The following SOCS4 variants were observed in gnomAD, a reference collection of about 807,000 sequenced individuals.
SOCS4 encodes the protein suppressor of cytokine signaling 4, also known as SH2 domain containing SOCS box protein.
SOCS4 carries 20 observed loss-of-function variants against 34.1 expected under a neutral mutation model. The ratio of observed to expected loss-of-function variants is 0.59; its 90% confidence interval spans 0.41 to 0.85. The LOEUF is 0.85. Among genes scored for constraint, SOCS4 ranks in the 40% least tolerant of loss-of-function variants. The pLI, the probability that SOCS4 is intolerant of heterozygous loss-of-function variation, is 0.00. For missense variants in SOCS4, 479 were observed against 532.4 expected (o/e 0.90, Z 0.99); for synonymous variants, 180 against 186.4 (o/e 0.97, Z 0.28).
At chr14:55,032,087 G>T (rs2042533645) in intron 2 of SOCS4, 96 bp downstream of exon 2, 3 of 152,150 alleles carry the variant, frequency 2.0e-5, no homozygotes, top group Admixed American at 2.0e-4. Flanking sequence ...GTAGTATACT[G>T]AATTATTCTT....
intron 2 of SOCS4, among the ~76,000 whole-genome samples, chr14:55,041,090 G>A (rs2042614498): frequency 6.6e-6 from 1 of 152,122 alleles, no homozygotes; most frequent in South Asian, 2.1e-4. Flanking sequence ...GTTTTGCCAT[G>A]TTGCCCAGGC....
intron 1 of SOCS4, among the ~76,000 whole-genome samples, chr14:55,029,607 C>T (rs1275035771): frequency 6.6e-6 from 1 of 152,078 alleles, no homozygotes; most frequent in Non-Finnish European, 1.5e-5. Context: ...TCAGTATTGG[C>T]TTATGGAAGG....
rs769682311 is a variant in SOCS4 at position 55,043,755 on chromosome 14, C to T, written c.714C>T (p.Cys238=). The T allele has an allele frequency of 6.2e-7, 1 of 1,614,068 alleles. No individual in the cohort carries two copies. Among genetic ancestry groups the T allele is most frequent in the Non-Finnish European group, 8.5e-7 (1 of 1,180,012 alleles). Residue 238 remains cysteine, a synonymous_variant, in exon 3 of 3, where the codon TGC becomes TGT. Transcript: ENST00000555846. ...MDSDDEILTL[C]TSSRKRNKPK... is the part of the protein sequence containing the mutation. ...CCGATGATGAAATTCTAACACTTTG[C>T]ACAAGTTCCAGAAAAAGAAACAAAC... is the stretch of plus-strand genomic sequence containing the variant.
At chr14:55,028,985 G>A (rs2042502326) in intron 1 of SOCS4, among the ~76,000 whole-genome samples, 1 of 152,100 alleles carries the variant, frequency 6.6e-6, no homozygotes, top group Non-Finnish European at 1.5e-5. Context: ...GGGTGCTTTG[G>A]GTGGGTATTT....
At chr14:55,039,746 AT>A (rs1445996753) in intron 2 of SOCS4, among the ~76,000 whole-genome samples, 6 of 152,234 alleles carry the variant, frequency 3.9e-5, no homozygotes, top group East Asian at 3.9e-4. Flanking sequence ...ACAAAAAAAA[AT>A]TATCCGGGCA....
chr14:55,027,605 A>T (rs1370449160), intron 1 of SOCS4, 134 bp downstream of exon 1: 1 of 152,458 alleles, frequency 6.6e-6, no homozygotes, highest in Non-Finnish European at 1.5e-5. Context: ...CCCAGTTAGC[A>T]GACAGATCTT....
Position 55,045,926 on chromosome 14 carries a change from T to C in SOCS4, c.*1562T>C, listed in dbSNP as rs1237515031. ...TGAGTAGCATTTCCCTATCTTGCAGTTCTGTTAACATGAAAATGGCATTTT... is the reference window on the plus strand; with the variant it reads ...TGAGTAGCATTTCCCTATCTTGCAGCTCTGTTAACATGAAAATGGCATTTT... On this transcript the variant is annotated 3_prime_UTR_variant, in exon 3 of 3. Transcript: ENST00000555846. 1 of 166,980 alleles carries C rather than the reference T, an allele frequency of 6.0e-6. No individual in the cohort carries two copies. Among genetic ancestry groups the C allele is most frequent in the Non-Finnish European group, 1.5e-5 (1 of 68,014 alleles). 10.3% of individuals were successfully genotyped at this position (166,980 alleles called of 1,614,324 possible). A position where few individuals can be genotyped will look rare whatever the true frequency, so the allele number is the denominator to read the frequency against.
In SOCS4 at chr14:55,044,404, T is replaced by C. The variant is rs1468468960; in HGVS notation, c.*40T>C. On this transcript the variant is annotated 3_prime_UTR_variant, in exon 3 of 3. Transcript: ENST00000555846. Reference sequence around the variant, plus strand: ...CATGGGAATGATAATATATATTTTTTCTTTTAATATTTTATTTTTCTTTTT... The same window carrying C: ...CATGGGAATGATAATATATATTTTTCCTTTTAATATTTTATTTTTCTTTTT... The C allele has an allele frequency of 7.7e-7, 1 of 1,299,038 alleles. No homozygotes were observed. Among genetic ancestry groups the C allele is most frequent in the Non-Finnish European group, 9.9e-7 (1 of 1,010,678 alleles). 80.5% of individuals were successfully genotyped at this position (1,299,038 alleles called of 1,614,324 possible).
chr14:55,043,532 C>T lies in SOCS4; in HGVS notation c.491C>T (p.Thr164Ile), dbSNP rs775754477. The change falls in exon 3 of 3, where the codon ACA (threonine) becomes ATA (isoleucine). Residue 164 changes from threonine to isoleucine, a missense_variant. Physicochemically the swap from Thr to Ile is moderately conservative, Grantham distance 89. Coordinates refer to ENST00000555846, the MANE Select transcript of SOCS4 (RefSeq NM_199421.2). Reference sequence around the variant, plus strand: ...TCCAAATCAGATGAATGGGTAAGCACAGACTTGTCTCAGACTGAATTGAGG... The same window carrying T: ...TCCAAATCAGATGAATGGGTAAGCATAGACTTGTCTCAGACTGAATTGAGG... ...INSKSDEWVS[T>I]DLSQTELRDG... 6.2e-7 allele frequency: 1 copy of T among 1,614,122 alleles called. No homozygotes were observed. The highest frequency in any genetic ancestry group is 8.5e-7 in the Non-Finnish European group (1 of 1,180,024).
chr14:55,042,861 G>C, intron 2 of SOCS4, 91 bp from the exon 3 acceptor site: 1 of 569,506 alleles, frequency 1.8e-6, no homozygotes, highest in Non-Finnish European at 3.0e-6. Context: ...TACTAACTGT[G>C]CTTTTCCCTC....
At chr14:55,041,418 A>G (rs2042616738) in intron 2 of SOCS4, among the ~76,000 whole-genome samples, 1 of 124,414 alleles carries the variant, frequency 8.0e-6, no homozygotes, top group African/African-American at 3.2e-5. Context: ...TGCAAAATTT[A>G]TTTTTCATTT....
chr14:55,029,491 C>G (rs764159704), intron 1 of SOCS4, among the ~76,000 whole-genome samples: 2 of 152,038 alleles, frequency 1.3e-5, no homozygotes, highest in Non-Finnish European at 2.9e-5. Context: ...ATTTTTGCTC[C>G]CAAGGACAAT....
Position 55,044,687 on chromosome 14 carries a change from G to C in SOCS4, c.*323G>C, listed in dbSNP as rs997616211. ...CATGATCCAGGCACATTTGAAATTT[G>C]GTAGGCATTGCAAACACATTTGAAT... On this transcript the variant is annotated 3_prime_UTR_variant, in exon 3 of 3. Coordinates refer to ENST00000555846, the MANE Select transcript of SOCS4 (RefSeq NM_199421.2). 1.2e-5 allele frequency: 2 copies of C among 170,862 alleles called. No individual in the cohort carries two copies. Among genetic ancestry groups the C allele is most frequent in the African/African-American group, 4.8e-5 (2 of 41,402 alleles). 10.6% of individuals were successfully genotyped at this position (170,862 alleles called of 1,614,324 possible). A position where few individuals can be genotyped will look rare whatever the true frequency, so the allele number is the denominator to read the frequency against.
rs1443229729 is a variant in SOCS4 at position 55,043,342 on chromosome 14, C to A, written c.301C>A (p.Gln101Lys). The A allele has an allele frequency of 3.1e-6, 5 of 1,614,064 alleles. No individual in the cohort carries two copies. Among genetic ancestry groups the A allele is most frequent in the Non-Finnish European group, 4.2e-6 (5 of 1,180,034 alleles). The change falls in exon 3 of 3, where the codon CAG becomes AAG. Residue 101 changes from glutamine to lysine, a missense_variant. Transcript: ENST00000555846. ...LKQKLQDAVG[Q>K]CFPIKNCSSR... is the part of the protein sequence containing the mutation. ...ACAGAAACTGCAAGATGCCGTGGGGCAGTGTTTTCCAATAAAGAATTGTAG... is the reference window on the plus strand; with the variant it reads ...ACAGAAACTGCAAGATGCCGTGGGGAAGTGTTTTCCAATAAAGAATTGTAG...
At position 55,047,406 on chromosome 14, in the gene SOCS4, A is replaced by G. The variant is rs893437084; in HGVS notation, c.*3042A>G. 1 of 167,074 alleles carries G rather than the reference A, an allele frequency of 6.0e-6. No individual in the cohort carries two copies. Among genetic ancestry groups the G allele is most frequent in the African/African-American group, 2.4e-5 (1 of 41,452 alleles). 10.3% of individuals were successfully genotyped at this position (167,074 alleles called of 1,614,324 possible). A position where few individuals can be genotyped will look rare whatever the true frequency, so the allele number is the denominator to read the frequency against. On this transcript the variant is annotated 3_prime_UTR_variant, in exon 3 of 3. Coordinates refer to ENST00000555846, the MANE Select transcript of SOCS4 (RefSeq NM_199421.2). ...TAGTATAATTCCTGAAGTATGCTGAATGGACTTTTTAAGGTTCCTTTAGCA... is the reference window on the plus strand; with the variant it reads ...TAGTATAATTCCTGAAGTATGCTGAGTGGACTTTTTAAGGTTCCTTTAGCA...
At chr14:55,039,614 C>G (rs1177546561) in intron 2 of SOCS4, among the ~76,000 whole-genome samples, 1 of 152,226 alleles carries the variant, frequency 6.6e-6, no homozygotes, top group Non-Finnish European at 1.5e-5. Flanking sequence ...CAGGTAGAGG[C>G]CAGGCGCGAT....
In SOCS4 at chr14:55,046,892, TC is replaced by T. The variant is rs1258765199; in HGVS notation, c.*2529del. 1 of 167,074 alleles carries T rather than the reference TC, an allele frequency of 6.0e-6. No homozygotes were observed. Among genetic ancestry groups the T allele is most frequent in the African/African-American group, 2.4e-5 (1 of 41,452 alleles). The allele number at this position is 167,074 out of a possible 1,614,324, so 10.3% of individuals were successfully genotyped here. ...AGAAAGGTTACCCCCTTCCTCTGTGTCTTTGTAAGGATACATTTGGAAGAAC... is the reference window on the plus strand; with the variant it reads ...AGAAAGGTTACCCCCTTCCTCTGTGTTTTGTAAGGATACATTTGGAAGAAC... On this transcript the variant is annotated 3_prime_UTR_variant, in exon 3 of 3. Transcript: ENST00000555846.
Position 55,044,341 on chromosome 14 carries a change from G to T in SOCS4, c.1300G>T (p.Asp434Tyr). The T allele has an allele frequency of 6.2e-7, 1 of 1,610,726 alleles. No individual in the cohort carries two copies. The highest frequency in any genetic ancestry group is 8.5e-7 in the Non-Finnish European group (1 of 1,177,950). ...ATCAAAAGTTAGAGTACTCAGGATT[G>T]ATGCACCAGAACAGCAATGCTAGTA... ...YKSKVRVLRI[D>Y]APEQQC The change falls in exon 3 of 3, where the codon GAT becomes TAT. Residue 434 changes from aspartate to tyrosine, a missense_variant. Physicochemically the swap from Asp to Tyr is radical, Grantham distance 160 (BLOSUM62 -3). Coordinates refer to ENST00000555846, the MANE Select transcript of SOCS4 (RefSeq NM_199421.2).
rs1394274680 is a variant in SOCS4 at position 55,048,974 on chromosome 14, TCTTGA to T, written c.*4615_*4619del. 1.3e-4 allele frequency: 22 copies of T among 167,006 alleles called. No homozygotes were observed. 10.3% of individuals were successfully genotyped at this position (167,006 alleles called of 1,614,324 possible). The stretch of plus-strand genomic sequence containing the variant: ...ACTTCTCTTAGACTGTAAAAGACTT[TCTTGA>T]CTTGTTTTAACAGTAGAGATAGCAG... On this transcript the variant is annotated 3_prime_UTR_variant, in exon 3 of 3. Transcript: ENST00000555846.
Sources: allele counts gnomAD v4.1 joint callset (sites outside exome capture counted in the v4.1 genomes callset), GRCh38; gene constraint gnomAD v4.1.1; transcripts MANE v1.5; gene names NCBI Gene and HGNC (gene_info 2026-07-23, HGNC 2026-07-21).